Variants in ASAP2 observed in about 807,000 individuals in gnomAD.
ASAP2 encodes arf-GAP with SH3 domain, ANK repeat and PH domain-containing protein 2.
A neutral mutation model predicts 131.4 loss-of-function variants in ASAP2; 45 were observed. The observed-to-expected ratio is 0.34, with a 90% CI of 0.27 to 0.44. ASAP2 has a LOEUF of 0.44. Ranked by LOEUF, ASAP2 falls within the 20% of genes least tolerant of loss-of-function variation. ASAP2 has a pLI of 1.00. For missense variants in ASAP2, 1,011 were observed against 1,297.0 expected (o/e 0.78, Z 3.39); for synonymous variants, 510 against 503.0 (o/e 1.01, Z -0.19).
intron 16 of ASAP2, among the ~76,000 whole-genome samples, chr2:9,370,133 T>C (rs1168871868): frequency 6.6e-6 from 1 of 152,222 alleles, no homozygotes; most frequent in Admixed American, 6.5e-5. Context: ...CCACTGTACC[T>C]GGCCTAGATT....
At chr2:9,332,815 C>T (rs1670932950) in intron 7 of ASAP2, among the ~76,000 whole-genome samples, 1 of 151,808 alleles carries the variant, frequency 6.6e-6, no homozygotes, top group African/African-American at 2.4e-5. Flanking sequence ...AAGAAAAACA[C>T]GTAAATAAAA....
chr2:9,351,033 C>T (rs1007741482), intron 12 of ASAP2, 138 bp downstream of exon 12: 2 of 614,802 alleles, frequency 3.3e-6, no homozygotes, highest in Non-Finnish European at 5.2e-6. Context: ...GATATGCGTG[C>T]TTTGTGTTCC....
At chr2:9,345,722 C>G (rs961157810) in intron 11 of ASAP2, among the ~76,000 whole-genome samples, 8 of 152,112 alleles carry the variant, frequency 5.3e-5, no homozygotes, top group Admixed American at 3.3e-4. Flanking sequence ...CTTTCCTGCC[C>G]CTTGTCCCTC....
At chr2:9,240,446 A>G (rs1256214503) in intron 1 of ASAP2, among the ~76,000 whole-genome samples, 1 of 151,696 alleles carries the variant, frequency 6.6e-6, no homozygotes, top group Non-Finnish European at 1.5e-5. Context: ...GGGTTTCTCC[A>G]TGTTTCCCAG....
intron 2 of ASAP2, among the ~76,000 whole-genome samples, chr2:9,290,450 T>A (rs973008138): frequency 2.0e-5 from 3 of 152,170 alleles, no homozygotes; most frequent in Non-Finnish European, 4.4e-5. Context: ...CCTCAAGAGA[T>A]CTGCCCATCT....
In ASAP2 at chr2:9,374,873, A is replaced by G. The variant is rs757258595; in HGVS notation, c.1675A>G (p.Ile559Val). ...SLCEAVKTRDIFGLLQAYADG... is the reference protein window; with the variant it reads ...SLCEAVKTRDVFGLLQAYADG... ...TTGCGAGGCCGTCAAAACGAGAGAT[A>G]TTTTTGGATTGCTCCAAGCTTATGC... The change falls in exon 17 of 28, where the codon ATT becomes GTT. Residue 559 changes from isoleucine (I) to valine (V), a missense_variant. This residue lies in a region of ASAP2 where 652 missense variants were observed against 698.9 expected (regional missense o/e 0.93). Transcript: ENST00000281419. 7 of 1,613,492 alleles carry G rather than the reference A, an allele frequency of 4.3e-6. No homozygotes were observed. The East Asian group carries it at 1.6e-4, about 36-fold the overall frequency.
At chr2:9,312,260 A>G (rs1244369657) in intron 3 of ASAP2, among the ~76,000 whole-genome samples, 1 of 152,220 alleles carries the variant, frequency 6.6e-6, no homozygotes, top group East Asian at 1.9e-4. Context: ...TGATTAGAAA[A>G]GTAATAGTTT....
chr2:9,246,995 A>G (rs1664384197), intron 1 of ASAP2, among the ~76,000 whole-genome samples: 1 of 152,044 alleles, frequency 6.6e-6, no homozygotes, highest in Non-Finnish European at 1.5e-5. Context: ...ATATACTACC[A>G]CACCCAGCTG....
chr2:9,272,776 T>G (rs1350726590), intron 1 of ASAP2, among the ~76,000 whole-genome samples: 1 of 152,202 alleles, frequency 6.6e-6, no homozygotes, highest in Non-Finnish European at 1.5e-5. Flanking sequence ...AGCATGGATA[T>G]TTAGTCTTCC....
At chr2:9,235,441 C>T (rs1231822545) in intron 1 of ASAP2, among the ~76,000 whole-genome samples, 6 of 152,186 alleles carry the variant, frequency 3.9e-5, no homozygotes, top group Admixed American at 6.5e-5. Context: ...TTATTTCACT[C>T]GCAGAGTTCA....
intron 14 of ASAP2, 125 bp from the exon 15 acceptor site, chr2:9,358,631 T>C: frequency 8.3e-7 from 1 of 1,209,466 alleles, no homozygotes; most frequent in East Asian, 2.4e-5. Context: ...AGTTTCCAGC[T>C]GTGTTAAGGA....
intron 7 of ASAP2, 128 bp downstream of exon 7, chr2:9,328,039 C>A: frequency 1.6e-6 from 1 of 610,456 alleles, no homozygotes; most frequent in Non-Finnish European, 2.7e-6. Context: ...GAGGTGCTGA[C>A]TCATGCGACA....
chr2:9,363,450 A>G (rs77056688), intron 15 of ASAP2, among the ~76,000 whole-genome samples: 1 of 152,136 alleles, frequency 6.6e-6, no homozygotes, highest in Non-Finnish European at 1.5e-5. Flanking sequence ...AACACTTGCT[A>G]TCTTTTGTCT....
chr2:9,273,705 C>A (rs1233213447), intron 1 of ASAP2, among the ~76,000 whole-genome samples: 1 of 151,942 alleles, frequency 6.6e-6, no homozygotes, highest in Non-Finnish European at 1.5e-5. Flanking sequence ...TGAGTCAGTT[C>A]CTGGGTGGGG....
chr2:9,276,379 G>A (rs1401142802), intron 1 of ASAP2, among the ~76,000 whole-genome samples: 1 of 152,160 alleles, frequency 6.6e-6, no homozygotes, highest in African/African-American at 2.4e-5. Context: ...ACATGTGAAA[G>A]TGATGGAGAA....
chr2:9,225,105 A>C (rs761933601), intron 1 of ASAP2, among the ~76,000 whole-genome samples: 1 of 152,256 alleles, frequency 6.6e-6, no homozygotes, highest in Non-Finnish European at 1.5e-5. Flanking sequence ...TGTAAGCTAA[A>C]AATGGTGTTT....
chr2:9,232,731 C>CTA lies in ASAP2; in HGVS notation c.126+25501_126+25502insTA, dbSNP rs1663257657. Among the ~76,000 whole-genome samples the CTA allele has an allele frequency of 6.6e-6, 1 of 152,146 alleles. No individual in the cohort carries two copies. The highest frequency in any genetic ancestry group is 1.5e-5 in the Non-Finnish European group (1 of 68,016). On this transcript the variant is annotated intron_variant, in intron 1 of 27. Coordinates refer to ENST00000281419, the MANE Select transcript of ASAP2 (RefSeq NM_003887.3). This position sits in a 1 kb window ranked among gnomAD's most constrained non-coding sequence, Gnocchi z 4.1. ...TGACAGGCAACTACAGCTTAGATTG[C>CTA]AGGGAGTGAGACATGCTGTTGCCGG...
intron 20 of ASAP2, 122 bp downstream of exon 20, chr2:9,380,930 G>T: frequency 9.2e-7 from 1 of 1,083,214 alleles, no homozygotes; most frequent in East Asian, 2.4e-5. Flanking sequence ...TGTTTCTGAT[G>T]GGATGAGCCG....
At chr2:9,328,736 T>C (rs1463238307) in intron 7 of ASAP2, among the ~76,000 whole-genome samples, 4 of 152,142 alleles carry the variant, frequency 2.6e-5, no homozygotes, top group African/African-American at 9.7e-5. Context: ...CTCTGGCTCC[T>C]TCACTCACCC....
Sources: gnomAD v4.1 joint callset for allele counts (sites outside exome capture counted in the v4.1 genomes callset) on GRCh38, gnomAD v4.1.1 for gene constraint, gnomAD v4.1.1 regional missense constraint, Gnocchi (gnomAD v3.1) non-coding constraint, MANE v1.5 for transcripts, NCBI Gene and HGNC (gene_info 2026-07-23, HGNC 2026-07-21) for gene names.